Variants in POLA2 observed in about 807,000 individuals in gnomAD.
POLA2 encodes the protein DNA polymerase alpha 2, accessory subunit.
A neutral mutation model predicts 82.8 loss-of-function variants in POLA2; 47 were observed. The ratio of observed to expected loss-of-function variants is 0.57; its 90% CI spans 0.45 to 0.72. The LOEUF (loss-of-function observed/expected upper bound fraction) is 0.72. Ranked by LOEUF, POLA2 falls within the 30% of genes least tolerant of loss-of-function variation. The pLI, the probability that POLA2 is intolerant of heterozygous loss-of-function variation, is 0.00. For synonymous variants in POLA2, 287 were observed against 286.8 expected (o/e 1.00, Z -0.01); for missense variants, 634 against 728.1 (o/e 0.87, Z 1.49).
At chr11:65,294,379 T>A in intron 14 of POLA2, 118 bp downstream of exon 14, 3 of 999,564 alleles carry the variant, frequency 3.0e-6, no homozygotes, top group African/African-American at 1.6e-5. Flanking sequence ...ACAGCCTGAA[T>A]CTTAAACTCC....
At chr11:65,299,036 T>A (rs1299591344), downstream of POLA2, among the ~76,000 whole-genome samples, 1 of 152,226 alleles carries the variant, frequency 6.6e-6, no homozygotes, top group East Asian at 1.9e-4. Flanking sequence ...CAGTTCCTTT[T>A]TGCTCTTGTC....
chr11:65,268,791 A>G, intron 4 of POLA2, 62 bp downstream of exon 4: 1 of 1,119,638 alleles, frequency 8.9e-7, no homozygotes, highest in Non-Finnish European at 1.3e-6. Flanking sequence ...GTTTCACAAC[A>G]TTTGAAGATC....
At chr11:65,270,620 C>G (rs964426082) in intron 4 of POLA2, among the ~76,000 whole-genome samples, 4 of 152,112 alleles carry the variant, frequency 2.6e-5, no homozygotes, top group African/African-American at 9.7e-5. Context: ...TCCTTAAATC[C>G]TTTTTCTCTC....
In POLA2 at chr11:65,281,749, C is replaced by T. The variant is rs1300298641; in HGVS notation, c.963+17C>T. 2 of 1,604,800 alleles carry T rather than the reference C, an allele frequency of 1.2e-6. No homozygotes were observed. The highest frequency in any genetic ancestry group is 1.7e-6 in the Non-Finnish European group (2 of 1,171,650). ...CTCTACGAGGTACACAGCAGTACCC[C>T]CACTTGCCTCTTGGTTTGCTTCAGA... On this transcript the variant is annotated intron_variant, in intron 9 of 17. Coordinates refer to ENST00000265465, the MANE Select transcript of POLA2 (RefSeq NM_002689.4).
At chr11:65,301,470 G>T (rs1041821684), downstream of POLA2, among the ~76,000 whole-genome samples, 1 of 151,908 alleles carries the variant, frequency 6.6e-6, no homozygotes, top group Non-Finnish European at 1.5e-5. Context: ...TGTTGGGGCA[G>T]GTCGGGAGGA....
At chr11:65,299,628 G>C (rs920551792), downstream of POLA2, among the ~76,000 whole-genome samples, 1 of 152,192 alleles carries the variant, frequency 6.6e-6, no homozygotes, top group South Asian at 2.1e-4. Context: ...CAGGGCACCC[G>C]GCCCAGCTCA....
intron 4 of POLA2, among the ~76,000 whole-genome samples, chr11:65,274,549 G>A (rs939559906): frequency 1.3e-5 from 2 of 151,454 alleles, no homozygotes; most frequent in African/African-American, 4.9e-5. Flanking sequence ...ATGTGGTGGC[G>A]GGCACCTGTA....
At chr11:65,284,493 T>C (rs1052127347) in intron 10 of POLA2, among the ~76,000 whole-genome samples, 1 of 151,696 alleles carries the variant, frequency 6.6e-6, no homozygotes, top group Non-Finnish European at 1.5e-5. Context: ...AAAAAATATA[T>C]GTATGTATTT....
intron 8 of POLA2, among the ~76,000 whole-genome samples, chr11:65,304,736 A>C (rs1334521228): frequency 6.6e-6 from 1 of 152,106 alleles, no homozygotes; most frequent in African/African-American, 2.4e-5. Context: ...ATGTGCAGGG[A>C]CCTAGCCCTG....
At chr11:65,303,887 G>A (rs767967801) in intron 8 of POLA2, among the ~76,000 whole-genome samples, 44 of 152,182 alleles carry the variant, frequency 2.9e-4, no homozygotes, top group Non-Finnish European at 5.4e-4. Flanking sequence ...GTCTCTCCTC[G>A]GCAGCGGGAT....
intron 1 of POLA2, among the ~76,000 whole-genome samples, chr11:65,262,859 C>T (rs1397351907): frequency 6.6e-6 from 1 of 152,070 alleles, no homozygotes; most frequent in Non-Finnish European, 1.5e-5. Flanking sequence ...GAGGTAGGTT[C>T]CTAAAATTGA....
At chr11:65,274,369 C>T (rs536076896) in intron 4 of POLA2, among the ~76,000 whole-genome samples, 2 of 147,530 alleles carry the variant, frequency 1.4e-5, no homozygotes, top group Non-Finnish European at 3.0e-5. Flanking sequence ...GAAATTCCGT[C>T]TCGGAAAAAA....
chr11:65,279,624 C>G lies in POLA2; in HGVS notation c.742C>G (p.Gln248Glu). 6.2e-7 allele frequency: 1 copy of G among 1,604,860 alleles called. No individual in the cohort carries two copies. Among genetic ancestry groups the G allele is most frequent in the Non-Finnish European group, 8.5e-7 (1 of 1,171,992 alleles). ...TTTCACTCCTTTGCTAGCCCCAGCA[C>G]AGGTAAGAGTTGTTCTAATAGTTCT... Reference protein sequence around the residue: ...EAFTPLLAPAQEPVTLLGQIG... With the variant: ...EAFTPLLAPAEEPVTLLGQIG... Residue 248 changes from glutamine (Q) to glutamate (E), a missense_variant and splice_region_variant, in exon 7 of 18, where the codon CAG becomes GAG. Physicochemically the swap from Gln to Glu is conservative, Grantham distance 29. Transcript: ENST00000265465.
chr11:65,297,060 C>T, intron 17 of POLA2, 60 bp from the exon 18 acceptor site: 1 of 1,578,910 alleles, frequency 6.3e-7, no homozygotes, highest in Non-Finnish European at 8.6e-7. Flanking sequence ...ACTTCTTTTT[C>T]ACATTGGTTC....
intron 13 of POLA2, among the ~76,000 whole-genome samples, chr11:65,293,296 G>A (rs1289442701): frequency 1.3e-5 from 2 of 152,020 alleles, no homozygotes; most frequent in African/African-American, 2.4e-5. Flanking sequence ...TCAGTCAGAG[G>A]GTTTCAGCTG....
At chr11:65,275,854 A>T in intron 4 of POLA2, 38 bp from the exon 5 acceptor site, 1 of 1,173,866 alleles carries the variant, frequency 8.5e-7, no homozygotes, top group Non-Finnish European at 1.3e-6. Context: ...TATTGGGTCT[A>T]GTAGGACTGA....
In POLA2 at chr11:65,262,328, G is replaced by T. The variant is rs758402716; in HGVS notation, c.36G>T (p.Leu12=). 1.2e-6 allele frequency: 2 copies of T among 1,613,898 alleles called. No homozygotes were observed. Among genetic ancestry groups the T allele is most frequent in the Non-Finnish European group, 1.7e-6 (2 of 1,179,900 alleles). The change falls in exon 1 of 18, where the codon CTG becomes CTT. Residue 12 remains leucine (L), a synonymous_variant. Transcript: ENST00000265465. ...SASAQQLAEE[L]QIFGLDCEEA... Reference sequence around the variant, plus strand: ...CCGCCCAGCAGCTGGCGGAGGAGCTGCAGATCTTCGGCCTAGACTGCGAGG... The same window carrying T: ...CCGCCCAGCAGCTGGCGGAGGAGCTTCAGATCTTCGGCCTAGACTGCGAGG...
chr11:65,268,073 G>A (rs376116994), intron 3 of POLA2, among the ~76,000 whole-genome samples: 1 of 151,414 alleles, frequency 6.6e-6, no homozygotes, highest in African/African-American at 2.4e-5. Flanking sequence ...GATTACAGGC[G>A]TGAGTCACCG....
downstream of POLA2, among the ~76,000 whole-genome samples, chr11:65,299,819 G>A (rs961478584): frequency 6.6e-6 from 1 of 152,106 alleles, no homozygotes; most frequent in Admixed American, 6.5e-5. Context: ...AACCTCCCGA[G>A]TAGCTGAGAT....
Sources: gnomAD v4.1 joint callset for allele counts (sites outside exome capture counted in the v4.1 genomes callset) on GRCh38, gnomAD v4.1.1 for gene constraint, MANE v1.5 for transcripts, NCBI Gene and HGNC (gene_info 2026-07-23, HGNC 2026-07-21) for gene names.